Variants in STPG2 observed in about 807,000 individuals in gnomAD.
The protein encoded by STPG2 is sperm-tail PG-rich repeat-containing protein 2.
A neutral mutation model predicts 54.2 loss-of-function variants in STPG2; 56 were observed. That is an observed-to-expected ratio of 1.03 (90% CI 0.83 to 1.29). STPG2 has a LOEUF of 1.29. Among genes scored for constraint, STPG2 ranks in the 50% most tolerant of loss-of-function variants. The probability of loss-of-function intolerance (pLI) is 0.00; values close to 1 mark genes in which losing one functional copy is unlikely to be tolerated. For missense variants in STPG2, 596 were observed against 544.9 expected, an observed-to-expected ratio of 1.09 and a Z score of -0.93; for synonymous variants, 200 against 181.8, an observed-to-expected ratio of 1.10 and a Z score of -0.81.
intron 8 of STPG2, among the ~76,000 whole-genome samples, chr4:97,907,747 C>G (rs554419684): frequency 8.5e-5 from 13 of 152,214 alleles, no homozygotes; most frequent in Admixed American, 5.2e-4. Context: ...TGACAAACCT[C>G]AGAAAAACAA....
At chr4:97,475,204 T>G in intron 4 of STPG2, among the ~76,000 whole-genome samples, 1 of 151,866 alleles carries the variant, frequency 6.6e-6, no homozygotes. Context: ...CAAAAATACT[T>G]TAGCACTGAA....
At chr4:98,022,753 T>G (rs1308778923) in intron 5 of STPG2, among the ~76,000 whole-genome samples, 1 of 152,182 alleles carries the variant, frequency 6.6e-6, no homozygotes, top group Non-Finnish European at 1.5e-5. Context: ...CCCTTCTTGC[T>G]TCATTTCATT....
At chr4:97,751,500 C>T (rs1019482846) in intron 9 of STPG2, among the ~76,000 whole-genome samples, 1 of 151,680 alleles carries the variant, frequency 6.6e-6, no homozygotes, top group African/African-American at 2.4e-5. Context: ...TTAATAGTTA[C>T]ATGCAATATA....
chr4:97,948,509 G>A (rs887718478), intron 7 of STPG2, among the ~76,000 whole-genome samples: 1 of 151,990 alleles, frequency 6.6e-6, no homozygotes, highest in East Asian at 1.9e-4. Context: ...GTTACATTAG[G>A]TTGTCAGTTT....
In STPG2 at chr4:98,046,033, T is replaced by G. The variant is rs148437938; in HGVS notation, c.612+59920A>C. Among the ~76,000 whole-genome samples the G allele has an allele frequency of 5.8e-4, 88 of 152,050 alleles. No individual in the cohort carries two copies. In the East Asian group the frequency reaches 8.5e-3, roughly 15 times the overall value. The stretch of plus-strand genomic sequence containing the variant: ...GTATCCATAAGTCCCTTAAGTGATC[T>G]TCATAGTTTTTTCATTCTTTTTTTT... On this transcript the variant is annotated intron_variant, in intron 5 of 10. Transcript: ENST00000295268.
At chr4:97,793,392 C>A (rs944738576) in intron 9 of STPG2, among the ~76,000 whole-genome samples, 90 of 151,030 alleles carry the variant, frequency 6.0e-4, no homozygotes, top group African/African-American at 2.0e-3. Context: ...CACACACACA[C>A]ACACACACAC....
intron 8 of STPG2, among the ~76,000 whole-genome samples, chr4:97,914,328 A>C (rs957931892): frequency 2.0e-5 from 3 of 152,226 alleles, no homozygotes; most frequent in African/African-American, 7.2e-5. Flanking sequence ...TGTAAAAAAA[A>C]GAATCAGCAT....
At chr4:97,635,107 T>A (rs1419771131) in intron 10 of STPG2, among the ~76,000 whole-genome samples, 3 of 151,760 alleles carry the variant, frequency 2.0e-5, no homozygotes, top group African/African-American at 7.3e-5. Flanking sequence ...CGGGTTACCC[T>A]CAAAGGGAAG....
chr4:97,495,444 C>T (rs1009813973), intron 4 of STPG2, among the ~76,000 whole-genome samples: 26 of 151,284 alleles, frequency 1.7e-4, no homozygotes, highest in Admixed American at 1.3e-3. Flanking sequence ...GTATAGTATT[C>T]GTTTTTATGT....
At chr4:97,756,668 G>A (rs1725741917) in intron 9 of STPG2, among the ~76,000 whole-genome samples, 10 of 151,966 alleles carry the variant, frequency 6.6e-5, no homozygotes, top group Admixed American at 5.9e-4. Flanking sequence ...TACTTCAAGG[G>A]GGAAATTAGT....
chr4:98,078,636 A>G (rs1055811834), intron 5 of STPG2, among the ~76,000 whole-genome samples: 1 of 152,110 alleles, frequency 6.6e-6, no homozygotes, highest in Admixed American at 6.5e-5. Context: ...AAATGTGCAC[A>G]GTTGATATCT....
chr4:98,087,380 A>T (rs993899389), intron 5 of STPG2, among the ~76,000 whole-genome samples: 1 of 152,108 alleles, frequency 6.6e-6, no homozygotes, highest in Non-Finnish European at 1.5e-5. Flanking sequence ...TATTTATTTA[A>T]TCAGGGTTCT....
chr4:97,702,852 G>A (rs773322215), intron 10 of STPG2, among the ~76,000 whole-genome samples: 10 of 152,144 alleles, frequency 6.6e-5, no homozygotes, highest in Admixed American at 2.0e-4. Context: ...TGCACCTTTC[G>A]TTGCACGTCA....
At chr4:97,633,322 C>A (rs1489541108) in intron 10 of STPG2, among the ~76,000 whole-genome samples, 1 of 151,858 alleles carries the variant, frequency 6.6e-6, no homozygotes, top group African/African-American at 2.4e-5. Flanking sequence ...TTGTTTGCTA[C>A]AAACAAGCTG....
chr4:97,777,045 T>C (rs1013081494), intron 9 of STPG2, among the ~76,000 whole-genome samples: 1 of 152,192 alleles, frequency 6.6e-6, no homozygotes. Context: ...CTTTGAAAAC[T>C]ATTAAGTACT....
chr4:97,590,959 A>T (rs545390821), intron 10 of STPG2, among the ~76,000 whole-genome samples: 1 of 152,138 alleles, frequency 6.6e-6, no homozygotes, highest in South Asian at 2.1e-4. Flanking sequence ...TAAGTACAAG[A>T]CATCTCATAT....
chr4:97,633,457 T>C (rs1721368795), intron 10 of STPG2: 1 of 152,076 alleles, frequency 6.6e-6, no homozygotes, highest in South Asian at 2.1e-4. Flanking sequence ...TAAAAAGATA[T>C]TTAAAATAAA....
At chr4:97,646,675 T>G (rs1274825477) in intron 10 of STPG2, among the ~76,000 whole-genome samples, 2 of 152,148 alleles carry the variant, frequency 1.3e-5, no homozygotes, top group Admixed American at 6.6e-5. Context: ...TAATAAAGTT[T>G]ATTGATTTAT....
chr4:97,929,010 C>T (rs1369029409), intron 8 of STPG2, among the ~76,000 whole-genome samples: 5 of 152,040 alleles, frequency 3.3e-5, no homozygotes, highest in African/African-American at 1.2e-4. Flanking sequence ...CACTGTTTAT[C>T]TTTTCTACTC....
Sources: allele counts gnomAD v4.1 joint callset (sites outside exome capture counted in the v4.1 genomes callset), GRCh38; gene constraint gnomAD v4.1.1; transcripts MANE v1.5; gene names NCBI Gene and HGNC (gene_info 2026-07-23, HGNC 2026-07-21).